Variants in DZIP1 observed in about 807,000 individuals in gnomAD.
DZIP1 encodes DAZ interacting zinc finger protein 1.
Under a neutral mutation model 107.6 loss-of-function variants are expected in DZIP1, and 97 were observed. The ratio of observed to expected loss-of-function variants is 0.90; its 90% CI spans 0.77 to 1.07. The LOEUF (loss-of-function observed/expected upper bound fraction) is 1.07, where lower values mean the gene tolerates loss of function less well. Among genes scored for constraint, DZIP1 ranks in the 50% least tolerant of loss-of-function variants. DZIP1 has a pLI of 0.00. For missense variants in DZIP1, 1,035 were observed against 1,063.6 expected, an observed-to-expected ratio of 0.97 and a Z score of 0.37; for synonymous variants, 390 against 386.4, an observed-to-expected ratio of 1.01 and a Z score of -0.11.
chr13:95,625,431 G>A (rs1167019005), intron 7 of DZIP1, among the ~76,000 whole-genome samples: 1 of 152,124 alleles, frequency 6.6e-6, no homozygotes, highest in African/African-American at 2.4e-5. Context: ...GACACTATAT[G>A]CCAACTAGCC....
At chr13:95,600,975 A>G (rs73548720) in intron 14 of DZIP1, among the ~76,000 whole-genome samples, 2,388 of 152,322 alleles carry the variant, frequency 0.016, 76 homozygotes, top group African/African-American at 0.055. Context: ...AGGATAACTA[A>G]TTTCAGATTT....
chr13:95,633,880 T>C (rs1877494238), intron 5 of DZIP1, among the ~76,000 whole-genome samples: 1 of 151,768 alleles, frequency 6.6e-6, no homozygotes, highest in Non-Finnish European at 1.5e-5. Context: ...GAGCCAGGAG[T>C]TCGAGACCAG....
In DZIP1 at chr13:95,589,830, A is replaced by G. The variant is rs552113905; in HGVS notation, c.1946T>C (p.Val649Ala). Residue 649 changes from valine (V) to alanine (A), a missense_variant, in exon 18 of 23, where the codon GTT becomes GCT. Transcript: ENST00000376829. ...TGGAACAGATGTCCTATCAGTAGAA[A>G]CAGCTTTTTGTCTAATCAGTTGTCT... is the stretch of plus-strand genomic sequence containing the variant. ...KNRQLIRQKA[V>A]STDRTSVPKI... 6.2e-7 allele frequency: 1 copy of G among 1,614,050 alleles called. No individual in the cohort carries two copies. Among genetic ancestry groups the G allele is most frequent in the Admixed American group, 1.7e-5 (1 of 59,990 alleles).
chr13:95,642,083 G>T lies in DZIP1; in HGVS notation c.-54C>A. 1 of 1,483,204 alleles carries T rather than the reference G, an allele frequency of 6.7e-7. No homozygotes were observed. Among genetic ancestry groups the T allele is most frequent in the Non-Finnish European group, 8.9e-7 (1 of 1,126,246 alleles). The allele number at this position is 1,483,204 out of a possible 1,614,324, so 91.9% of individuals were successfully genotyped here. A position where few individuals can be genotyped will look rare whatever the true frequency, so the allele number is the denominator to read the frequency against. On this transcript the variant is annotated 5_prime_UTR_variant, in exon 4 of 23. Transcript: ENST00000376829. ...CTGGGCCGCCTCCCGGGCCGCCGCC[G>T]CCACAGCCCTCAGGAGCGGGAGAAG...
At chr13:95,589,708 A>G (rs983976216) in intron 18 of DZIP1, 95 bp downstream of exon 18, 2 of 1,476,190 alleles carry the variant, frequency 1.4e-6, no homozygotes, top group Non-Finnish European at 1.8e-6. Context: ...GAGAAAATAA[A>G]TTTCTGTGAA....
chr13:95,638,446 A>G (rs1423040489), intron 5 of DZIP1, among the ~76,000 whole-genome samples: 1 of 152,022 alleles, frequency 6.6e-6, no homozygotes, highest in Non-Finnish European at 1.5e-5. Context: ...TAGTCTATGC[A>G]CTTTTTTGTA....
At position 95,611,485 on chromosome 13, in the gene DZIP1, G is replaced by A; in HGVS notation, c.1323C>T (p.Asp441=). ...TACTGTTTAATGGATTACAGGTAAAGTCTTTAATCTGCAAAGAAATACAGT... is the reference window on the plus strand; with the variant it reads ...TACTGTTTAATGGATTACAGGTAAAATCTTTAATCTGCAAAGAAATACAGT... ...LIITQRQQIK[D]FTCNPLNSIS... Residue 441 remains aspartate (D), a synonymous_variant, in exon 12 of 23, where the codon GAC becomes GAT. Transcript: ENST00000376829. 1 of 1,612,172 alleles carries A rather than the reference G, an allele frequency of 6.2e-7. No homozygotes were observed. The highest frequency in any genetic ancestry group is 1.1e-5 in the South Asian group (1 of 91,020).
Position 95,641,610 on chromosome 13 carries a change from CATG to C in DZIP1, c.279_281del (p.Ile93del). ...CTTCCAGCTTGCAGAAGGTGATGTT[CATG>C]ATGTTCTCCTGCAGCGTCAGCACGT... On this transcript the variant is annotated inframe_deletion, in exon 5 of 23. Transcript: ENST00000376829. The surrounding 1 kb of genome is among the most constrained non-coding windows in gnomAD (Gnocchi z 4.3). 2.5e-6 allele frequency: 4 copies of C among 1,612,822 alleles called. No homozygotes were observed. Among genetic ancestry groups the C allele is most frequent in the Non-Finnish European group, 3.4e-6 (4 of 1,180,038 alleles).
At position 95,641,864 on chromosome 13, in the gene DZIP1, G is replaced by T; in HGVS notation, c.37-9C>A. 7.0e-7 allele frequency: 1 copy of T among 1,438,724 alleles called. No individual in the cohort carries two copies. The highest frequency in any genetic ancestry group is 9.1e-7 in the Non-Finnish European group (1 of 1,103,000). 89.1% of individuals were successfully genotyped at this position (1,438,724 alleles called of 1,614,324 possible). On this transcript the variant is annotated splice_polypyrimidine_tract_variant and intron_variant, in intron 4 of 22. Coordinates refer to ENST00000376829, the MANE Select transcript of DZIP1 (RefSeq NM_198968.4). This position sits in a 1 kb window ranked among gnomAD's most constrained non-coding sequence, Gnocchi z 4.3. Reference sequence around the variant, plus strand: ...ACATGCTTCTGGAAGGGCTGCGGGGGGCACAAAGAGAGCGCGGCGGGAGGC... The same window carrying T: ...ACATGCTTCTGGAAGGGCTGCGGGGTGCACAAAGAGAGCGCGGCGGGAGGC...
chr13:95,598,244 C>G (rs1447347302), intron 15 of DZIP1, among the ~76,000 whole-genome samples: 1 of 152,088 alleles, frequency 6.6e-6, no homozygotes, highest in Non-Finnish European at 1.5e-5. Context: ...AAATCAGTGC[C>G]AAACATGAAC....
Position 95,586,044 on chromosome 13 carries a change from C to A in DZIP1, c.2311G>T (p.Glu771Ter). 1 of 1,608,328 alleles carries A rather than the reference C, an allele frequency of 6.2e-7. No homozygotes were observed. The highest frequency in any genetic ancestry group is 2.2e-5 in the East Asian group (1 of 44,598). The change falls in exon 21 of 23, where the codon GAG becomes TAG. Residue 771 changes from glutamate to a stop codon, truncating the protein, a stop_gained. Coordinates refer to ENST00000376829, the MANE Select transcript of DZIP1 (RefSeq NM_198968.4). LOFTEE classifies it high-confidence loss of function. The part of the protein sequence containing the change: ...NKPVGGTNVP[E>*]MFIKKEELQE... ...AATTCTTCTTTTTTGATAAACATCT[C>A]AGGGACATTAGTTCCACCGACTGGT... is the stretch of plus-strand genomic sequence containing the variant.
At chr13:95,593,513 AATCCATTC>A (rs1275496136) in intron 16 of DZIP1, among the ~76,000 whole-genome samples, 5 of 152,352 alleles carry the variant, frequency 3.3e-5, no homozygotes, top group Admixed American at 6.5e-5. Context: ...TATGAAATCC[AATCCATTC>A]ATCCATTCAT....
At position 95,580,701 on chromosome 13, in the gene DZIP1, T is replaced by A. The variant is rs1233721214; in HGVS notation, c.*1533A>T. On this transcript the variant is annotated 3_prime_UTR_variant, in exon 23 of 23. Transcript: ENST00000376829. ...AGTGGTTCAATAAATATCTGCTGAA[T>A]AAATAAATGAATGAACAAAGTGGCA... 1.3e-5 allele frequency: 2 copies of A among 152,216 alleles called. No individual in the cohort carries two copies. The highest frequency in any genetic ancestry group is 3.8e-4 in the East Asian group (2 of 5,200). 9.4% of individuals were successfully genotyped at this position (152,216 alleles called of 1,614,324 possible). A position where few individuals can be genotyped will look rare whatever the true frequency, so the allele number is the denominator to read the frequency against.
intron 1 of DZIP1, 104 bp downstream of exon 1, chr13:95,644,273 T>G (rs1878863265): frequency 6.6e-6 from 1 of 152,356 alleles, no homozygotes; most frequent in African/African-American, 2.4e-5. Flanking sequence ...CTGCAGAGGC[T>G]CGGCTCGCAG....
intron 22 of DZIP1, among the ~76,000 whole-genome samples, chr13:95,582,675 A>G (rs974558609): frequency 3.3e-5 from 5 of 152,228 alleles, no homozygotes; most frequent in African/African-American, 1.2e-4. Context: ...GAGTGAATAG[A>G]TGGTAAAGAA....
intron 10 of DZIP1, among the ~76,000 whole-genome samples, chr13:95,617,406 T>C (rs1423473029): frequency 1.3e-5 from 2 of 151,868 alleles, no homozygotes; most frequent in Non-Finnish European, 2.9e-5. Flanking sequence ...CAGATGACAC[T>C]CTCAATGCAG....
At chr13:95,621,516 C>T (rs879937536) in intron 9 of DZIP1, among the ~76,000 whole-genome samples, 3 of 152,050 alleles carry the variant, frequency 2.0e-5, no homozygotes, top group Non-Finnish European at 2.9e-5. Context: ...TAGAATGACC[C>T]AGGCTTTTAA....
intron 10 of DZIP1, among the ~76,000 whole-genome samples, chr13:95,616,476 A>G (rs1170479013): frequency 1.3e-5 from 2 of 152,224 alleles, no homozygotes; most frequent in African/African-American, 4.8e-5. Context: ...CAGACAATGG[A>G]GAGCTAAATA....
chr13:95,600,567 G>T (rs1464851555), intron 14 of DZIP1, among the ~76,000 whole-genome samples: 10 of 150,716 alleles, frequency 6.6e-5, no homozygotes, highest in Non-Finnish European at 1.5e-4. Flanking sequence ...GAGAGAGAGA[G>T]ATGATAGAGA....
Sources: allele counts gnomAD v4.1 joint callset (sites outside exome capture counted in the v4.1 genomes callset), GRCh38; gene constraint gnomAD v4.1.1; non-coding constraint Gnocchi (gnomAD v3.1); transcripts MANE v1.5; gene names NCBI Gene and HGNC (gene_info 2026-07-23, HGNC 2026-07-21).